The following DNAH3 variants were observed in gnomAD, a reference collection of about 807,000 sequenced individuals.
DNAH3 encodes the protein axonemal beta dynein heavy chain 3.
DNAH3 carries 332 observed loss-of-function variants against 432.5 expected under a neutral mutation model. The observed-to-expected ratio is 0.77, with a 90% CI of 0.70 to 0.84. The LOEUF (loss-of-function observed/expected upper bound fraction) is 0.84. DNAH3 is among the 40% of genes least tolerant of loss of function. DNAH3 has a pLI of 0.00. For synonymous variants in DNAH3, 1,956 were observed against 1,900.2 expected, an observed-to-expected ratio of 1.03 and a Z score of -0.76; for missense variants, 4,861 against 5,114.0, an observed-to-expected ratio of 0.95 and a Z score of 1.51.
At chr16:21,063,162 G>T (rs546710269) in intron 24 of DNAH3, among the ~76,000 whole-genome samples, 2 of 152,356 alleles carry the variant, frequency 1.3e-5, no homozygotes, top group Non-Finnish European at 1.5e-5. Context: ...GCAATTCTCA[G>T]CTTTGGCTGC....
intron 55 of DNAH3, among the ~76,000 whole-genome samples, chr16:20,954,451 G>A (rs1309309546): frequency 6.6e-6 from 1 of 151,406 alleles, no homozygotes; most frequent in East Asian, 2.0e-4. Context: ...CACCACACCC[G>A]GCTAATTTTT....
At chr16:20,947,176 T>G (rs767827371) in intron 57 of DNAH3, among the ~76,000 whole-genome samples, 1 of 151,816 alleles carries the variant, frequency 6.6e-6, no homozygotes, top group African/African-American at 2.4e-5. Flanking sequence ...TGCCCTATAC[T>G]CTGGGGAATG....
chr16:21,147,040 A>T (rs1054245906), intron 1 of DNAH3, among the ~76,000 whole-genome samples: 1 of 152,000 alleles, frequency 6.6e-6, no homozygotes, highest in Non-Finnish European at 1.5e-5. Flanking sequence ...GATTACAGGC[A>T]TGAGCCACCA....
exon 9 of DNAH3, chr16:21,125,188 A>G (rs1488978456): frequency 1.2e-6 from 2 of 1,604,692 alleles, no homozygotes; most frequent in East Asian, 2.2e-5. Flanking sequence ...GTGTATCATG[A>G]AAAGGGAAAC....
intron 41 of DNAH3, among the ~76,000 whole-genome samples, chr16:21,005,290 G>GCTTCCCTC (rs1213070339): frequency 9.7e-6 from 1 of 103,258 alleles, no homozygotes; most frequent in African/African-American, 3.9e-5. Flanking sequence ...TTCCTTCCTT[G>GCTTCCCTC]CTTCCCTCCT....
intron 19 of DNAH3, among the ~76,000 whole-genome samples, chr16:21,084,228 A>C (rs140177847): frequency 1.3e-4 from 20 of 152,246 alleles, no homozygotes; most frequent in Non-Finnish European, 2.6e-4. Context: ...AATCCAAATA[A>C]AGTATACAAC....
chr16:20,974,885 C>A (rs1680776143), intron 51 of DNAH3, among the ~76,000 whole-genome samples: 2 of 151,662 alleles, frequency 1.3e-5, no homozygotes, highest in South Asian at 4.2e-4. Flanking sequence ...GTGGTGCAAT[C>A]TCAGCTCACT....
chr16:21,132,366 G>T (rs919020813), intron 7 of DNAH3, among the ~76,000 whole-genome samples: 1 of 152,180 alleles, frequency 6.6e-6, no homozygotes, highest in African/African-American at 2.4e-5. Context: ...ACAAAACTCA[G>T]ATGGGGGCAG....
chr16:20,978,822 G>A (rs956439163), intron 50 of DNAH3, among the ~76,000 whole-genome samples: 1 of 152,078 alleles, frequency 6.6e-6, no homozygotes, highest in Non-Finnish European at 1.5e-5. Context: ...TGGGATTACA[G>A]ACGTGAGCCA....
rs200173852 is a variant in DNAH3 at position 21,058,241 on chromosome 16, G to C, written c.3814-45C>G. 2.1e-4 allele frequency: 255 copies of C among 1,236,490 alleles called. 1 individual carries two copies. In the African/African-American group the frequency reaches 3.3e-3, roughly 16 times the overall value. The allele number at this position is 1,236,490 out of a possible 1,614,324, so 76.6% of individuals were successfully genotyped here. ...ATGTTATAGGATCAGTTCACGTGTG[G>C]TTTAAACTGAGTTTACGAAAACATG... On this transcript the variant is annotated intron_variant, in intron 26 of 61. Transcript: ENST00000261383.
At chr16:21,069,722 C>T (rs2090712975) in intron 22 of DNAH3, 128 bp from the exon 23 acceptor site, 4 of 801,608 alleles carry the variant, frequency 5.0e-6, no homozygotes, top group Non-Finnish European at 7.8e-6. Flanking sequence ...TTAACAAATA[C>T]TTATTGAGGG....
rs536061586 is a variant in DNAH3 at position 21,015,975 on chromosome 16, G to A, written c.6022+3649C>T. ...AGCTAATTTTTGTATTTTTAGTAGAGATGGTGTTTCAACATGTTGGCCAGG... is the reference window on the plus strand; with the variant it reads ...AGCTAATTTTTGTATTTTTAGTAGAAATGGTGTTTCAACATGTTGGCCAGG... On this transcript the variant is annotated intron_variant, in intron 41 of 61. Transcript: ENST00000261383. Among the ~76,000 whole-genome samples, 514 of 152,216 alleles carry A rather than the reference G, an allele frequency of 3.4e-3. 1 individual carries two copies. The highest frequency in any genetic ancestry group is 4.5e-3 in the Non-Finnish European group (305 of 68,020).
At chr16:20,966,830 G>A (rs1340267295) in intron 52 of DNAH3, among the ~76,000 whole-genome samples, 1 of 152,110 alleles carries the variant, frequency 6.6e-6, no homozygotes, top group East Asian at 1.9e-4. Flanking sequence ...GAGAATGAAG[G>A]AGGCTGGAAG....
intron 1 of DNAH3, among the ~76,000 whole-genome samples, chr16:21,156,186 TTTTATTTTATTTTA>T (rs1423589918): frequency 1.3e-4 from 19 of 147,718 alleles, no homozygotes; most frequent in Admixed American, 1.1e-3. Flanking sequence ...TTTTATTTTA[TTTTATTTTATTTTA>T]TTTATTTTAT....
At chr16:20,982,072 T>A (rs1260900975) in intron 49 of DNAH3, among the ~76,000 whole-genome samples, 1 of 149,900 alleles carries the variant, frequency 6.7e-6, no homozygotes, top group African/African-American at 2.4e-5. Context: ...CATAAAAGAG[T>A]AAATTTTCAC....
intron 1 of DNAH3, among the ~76,000 whole-genome samples, chr16:21,153,360 A>G (rs1160872112): frequency 6.6e-6 from 1 of 151,956 alleles, no homozygotes; most frequent in Admixed American, 6.6e-5. Flanking sequence ...GGGGCCTTGG[A>G]GAACCTTTGT....
chr16:20,987,201 A>C, intron 47 of DNAH3, 104 bp downstream of exon 47: 3 of 1,377,354 alleles, frequency 2.2e-6, no homozygotes, highest in Non-Finnish European at 3.0e-6. Flanking sequence ...TTCAGAGTGC[A>C]GAGCTGGCAG....
intron 44 of DNAH3, among the ~76,000 whole-genome samples, chr16:20,989,904 CG>C (rs1043410614): frequency 5.9e-5 from 9 of 152,198 alleles, no homozygotes; most frequent in South Asian, 2.1e-4. Context: ...CCTCATTGCC[CG>C]GGGCCGGCAG....
chr16:20,966,410 T>G (rs2085066171), intron 52 of DNAH3, among the ~76,000 whole-genome samples: 1 of 152,080 alleles, frequency 6.6e-6, no homozygotes, highest in Non-Finnish European at 1.5e-5. Flanking sequence ...AGGCCTCGTT[T>G]TAAAAGCCAT....
Sources: gnomAD v4.1 joint callset for allele counts (sites outside exome capture counted in the v4.1 genomes callset) on GRCh38, gnomAD v4.1.1 for gene constraint, MANE v1.5 for transcripts, NCBI Gene and HGNC (gene_info 2026-07-23, HGNC 2026-07-21) for gene names.